Variants in PDCD6IP observed in about 807,000 individuals in gnomAD.
The protein encoded by PDCD6IP is programmed cell death 6-interacting protein.
Under a neutral mutation model 103.7 loss-of-function variants are expected in PDCD6IP, and 43 were observed. That is an observed-to-expected ratio of 0.41 (90% CI 0.32 to 0.53). The LOEUF is 0.53. PDCD6IP is among the 20% of genes least tolerant of loss of function. The pLI is 0.16. For missense variants in PDCD6IP, 871 were observed against 1,036.7 expected (o/e 0.84, Z 2.20); for synonymous variants, 354 against 378.7 (o/e 0.93, Z 0.76).
At chr3:33,863,421 C>T (rs1455432228) in intron 15 of PDCD6IP, among the ~76,000 whole-genome samples, 1 of 152,192 alleles carries the variant, frequency 6.6e-6, no homozygotes, top group Non-Finnish European at 1.5e-5. Flanking sequence ...ACCCTCTCTT[C>T]ATCCCCACCC....
In PDCD6IP at chr3:33,836,077, C is replaced by A; in HGVS notation, c.868C>A (p.Arg290Ser). The A allele has an allele frequency of 6.2e-7, 1 of 1,610,352 alleles. No individual in the cohort carries two copies. Among genetic ancestry groups the A allele is most frequent in the East Asian group, 2.2e-5 (1 of 44,840 alleles). The change falls in exon 8 of 18, where the codon CGC (arginine) becomes AGC (serine). Residue 290 changes from arginine to serine, a missense_variant. Arg to Ser is a moderately radical substitution (Grantham distance 110, BLOSUM62 -1). This residue lies in a region of PDCD6IP where 242 missense variants were observed against 250.7 expected (regional missense o/e 0.97). Transcript: ENST00000307296. ...AGAACTGATTAAAACAGTGGCATCT[C>A]GCTATGATGAATATGTTAATGTGAA... ...AAELIKTVAS[R>S]YDEYVNVKDF...
chr3:33,832,374 C>G (rs1697262541), intron 7 of PDCD6IP, among the ~76,000 whole-genome samples: 1 of 152,088 alleles, frequency 6.6e-6, no homozygotes, highest in Non-Finnish European at 1.5e-5. Context: ...GTTAGGGATT[C>G]AAAATACGAA....
At chr3:33,805,022 A>G (rs1312152437) in intron 1 of PDCD6IP, among the ~76,000 whole-genome samples, 2 of 151,974 alleles carry the variant, frequency 1.3e-5, no homozygotes, top group African/African-American at 2.4e-5. Context: ...GGCCATGTGG[A>G]TTGGTTGTTC....
intron 9 of PDCD6IP, among the ~76,000 whole-genome samples, chr3:33,839,145 C>T (rs972756843): frequency 1.4e-4 from 21 of 152,078 alleles, no homozygotes; most frequent in African/African-American, 2.7e-4. Flanking sequence ...CCCATGTAAC[C>T]GGCACTATGA....
intron 17 of PDCD6IP, 75 bp from the exon 18 acceptor site, chr3:33,866,276 A>T: frequency 1.1e-6 from 1 of 909,788 alleles, no homozygotes; most frequent in Non-Finnish European, 1.6e-6. Context: ...TGAAAAACGT[A>T]GTTCTAGAAT....
intron 9 of PDCD6IP, 113 bp downstream of exon 9, chr3:33,838,440 A>T: frequency 1.0e-6 from 1 of 956,738 alleles, no homozygotes; most frequent in Non-Finnish European, 1.6e-6. Flanking sequence ...TAAAATAGAA[A>T]ATGTAGACAC....
chr3:33,848,545 C>G (rs890994431), intron 12 of PDCD6IP, among the ~76,000 whole-genome samples: 1 of 152,078 alleles, frequency 6.6e-6, no homozygotes, highest in African/African-American at 2.4e-5. Flanking sequence ...GCTGGGACTA[C>G]AGGCATGTGC....
chr3:33,850,576 T>C (rs953416444), intron 12 of PDCD6IP, among the ~76,000 whole-genome samples: 2 of 152,164 alleles, frequency 1.3e-5, no homozygotes, highest in African/African-American at 4.8e-5. Flanking sequence ...ATACATATTA[T>C]GTATATGTAT....
At position 33,845,418 on chromosome 3, in the gene PDCD6IP, G is replaced by C; in HGVS notation, c.1472-1G>C. 1 of 1,610,762 alleles carries C rather than the reference G, an allele frequency of 6.2e-7. No individual in the cohort carries two copies. The highest frequency in any genetic ancestry group is 1.1e-5 in the South Asian group (1 of 90,582). On this transcript the variant is annotated splice_acceptor_variant, in intron 11 of 17. Transcript: ENST00000307296. LOFTEE classifies it high-confidence loss of function. ...CTCTGCAAACTTTTATTTTCTCCCA[G>C]AGGGAACCAACTTCAGAACAGTTTT... is the stretch of plus-strand genomic sequence containing the variant.
At chr3:33,825,793 T>C (rs990781921) in intron 5 of PDCD6IP, among the ~76,000 whole-genome samples, 4 of 152,132 alleles carry the variant, frequency 2.6e-5, no homozygotes, top group African/African-American at 9.7e-5. Flanking sequence ...AAATAATTGC[T>C]ATAAAAAATA....
chr3:33,852,437 C>CCT, intron 12 of PDCD6IP, 51 bp from the exon 13 acceptor site: 1 of 1,041,420 alleles, frequency 9.6e-7, no homozygotes, highest in Middle Eastern at 3.5e-4. Flanking sequence ...TCGAAATTGG[C>CCT]TTTTTTTTTT....
chr3:33,832,220 C>G (rs1697258742), intron 7 of PDCD6IP, among the ~76,000 whole-genome samples: 1 of 152,116 alleles, frequency 6.6e-6, no homozygotes, highest in South Asian at 2.1e-4. Flanking sequence ...CTCTCTGTGT[C>G]CTCATATGGT....
In PDCD6IP at chr3:33,812,094, A is replaced by T. The variant is rs774974360; in HGVS notation, c.232A>T (p.Ile78Phe). The change falls in exon 2 of 18, where the codon ATT (isoleucine) becomes TTT (phenylalanine). Residue 78 changes from isoleucine (I) to phenylalanine (F), a missense_variant. Physicochemically the swap from Ile to Phe is conservative, Grantham distance 21. This residue lies in a region of PDCD6IP where 114 missense variants were observed against 106.7 expected (regional missense o/e 1.07). Coordinates refer to ENST00000307296, the MANE Select transcript of PDCD6IP (RefSeq NM_013374.6). ...TAGATATTATGATCAGATTTGTTCT[A>T]TTGAACCCAAATTCCCATTTTCTGA... Reference protein sequence around the residue: ...LLRYYDQICSIEPKFPFSENQ... With the variant: ...LLRYYDQICSFEPKFPFSENQ... 1 of 1,599,436 alleles carries T rather than the reference A, an allele frequency of 6.3e-7. No individual in the cohort carries two copies. The highest frequency in any genetic ancestry group is 2.3e-5 in the East Asian group (1 of 44,180).
chr3:33,816,857 A>C (rs1696864995), intron 3 of PDCD6IP, among the ~76,000 whole-genome samples: 1 of 152,216 alleles, frequency 6.6e-6, no homozygotes, highest in Non-Finnish European at 1.5e-5. Flanking sequence ...TAGGCTGAGA[A>C]TAAGGAGCAG....
At chr3:33,807,444 T>C (rs1458109930) in intron 1 of PDCD6IP, among the ~76,000 whole-genome samples, 1 of 152,218 alleles carries the variant, frequency 6.6e-6, no homozygotes, top group Non-Finnish European at 1.5e-5. Flanking sequence ...CCAGACTTAC[T>C]GTGGTGCTGC....
chr3:33,806,548 A>G (rs1696602419), intron 1 of PDCD6IP, among the ~76,000 whole-genome samples: 1 of 152,150 alleles, frequency 6.6e-6, no homozygotes, highest in South Asian at 2.1e-4. Flanking sequence ...TTGCACCATT[A>G]TTTTCCACAA....
intron 6 of PDCD6IP, chr3:33,827,662 G>A (rs1182651340): frequency 6.6e-6 from 1 of 151,814 alleles, no homozygotes; most frequent in Non-Finnish European, 1.5e-5. Context: ...ACATCCTGTT[G>A]GGCCATTAGT....
At chr3:33,857,673 A>G (rs1294093005) in intron 15 of PDCD6IP, among the ~76,000 whole-genome samples, 1 of 152,202 alleles carries the variant, frequency 6.6e-6, no homozygotes, top group Non-Finnish European at 1.5e-5. Context: ...TTTTCACATC[A>G]AAGGAAAGAT....
At chr3:33,820,084 G>C (rs914729510) in intron 3 of PDCD6IP, among the ~76,000 whole-genome samples, 1 of 152,140 alleles carries the variant, frequency 6.6e-6, no homozygotes, top group Non-Finnish European at 1.5e-5. Context: ...ACGAGTTCAA[G>C]ACCAGCCTAG....
Sources: allele counts gnomAD v4.1 joint callset (sites outside exome capture counted in the v4.1 genomes callset), GRCh38; gene constraint gnomAD v4.1.1; regional missense constraint gnomAD v4.1.1; transcripts MANE v1.5; gene names NCBI Gene and HGNC (gene_info 2026-07-23, HGNC 2026-07-21).